The following QTMAN variants were observed in gnomAD, a reference collection of about 807,000 sequenced individuals.
QTMAN encodes queuosine-tRNA mannosyltransferase, also known as tRNA-queuosine alpha-mannosyltransferase.
chr2:144,304,789 G>A, the QTMAN span, among the ~76,000 whole-genome samples: 1 of 152,062 alleles, frequency 6.6e-6, no homozygotes, highest in Admixed American at 6.6e-5. Context: ...AACTTCCAGA[G>A]GTAAATATAA....
At chr2:144,005,576 T>C in the QTMAN span, among the ~76,000 whole-genome samples, 3 of 152,132 alleles carry the variant, frequency 2.0e-5, no homozygotes, top group Non-Finnish European at 4.4e-5. Context: ...GTGTTACTTT[T>C]ATATTTTGGC....
At chr2:144,198,945 C>A in the QTMAN span, among the ~76,000 whole-genome samples, 1 of 152,118 alleles carries the variant, frequency 6.6e-6, no homozygotes, top group Non-Finnish European at 1.5e-5. Flanking sequence ...CCTTTTCCTA[C>A]AGTGCTCTTC....
At chr2:144,109,255 T>C in the QTMAN span, among the ~76,000 whole-genome samples, 4 of 152,100 alleles carry the variant, frequency 2.6e-5, no homozygotes, top group Admixed American at 6.6e-5. Context: ...TCTACAACCA[T>C]CTGATCTTTG....
the QTMAN span, among the ~76,000 whole-genome samples, chr2:144,112,089 T>G: frequency 6.6e-6 from 1 of 152,192 alleles, no homozygotes; most frequent in East Asian, 1.9e-4. Flanking sequence ...TGGTATAATA[T>G]TGCACTAGGT....
At chr2:144,302,348 G>A in the QTMAN span, among the ~76,000 whole-genome samples, 2 of 152,090 alleles carry the variant, frequency 1.3e-5, no homozygotes, top group Non-Finnish European at 2.9e-5. Context: ...TTACACTGGA[G>A]AACAAGTGGG....
At chr2:144,269,009 G>T in the QTMAN span, among the ~76,000 whole-genome samples, 1 of 152,022 alleles carries the variant, frequency 6.6e-6, no homozygotes, top group South Asian at 2.1e-4. Context: ...GGGTGGTCCC[G>T]ATCTCCTGAC....
chr2:144,179,024 T>C, the QTMAN span: 63 of 459,330 alleles, frequency 1.4e-4, no homozygotes, highest in Middle Eastern at 1.5e-3. Flanking sequence ...ATTATTTAAA[T>C]TATTACGGCT....
At chr2:144,020,382 G>A in the QTMAN span, among the ~76,000 whole-genome samples, 2 of 152,310 alleles carry the variant, frequency 1.3e-5, no homozygotes, top group East Asian at 1.9e-4. Context: ...AGGAACACAC[G>A]GGTGGCTGGA....
At chr2:144,026,524 C>T in the QTMAN span, among the ~76,000 whole-genome samples, 1 of 152,028 alleles carries the variant, frequency 6.6e-6, no homozygotes, top group Non-Finnish European at 1.5e-5. Context: ...AAAGACAACC[C>T]ACAAGACTGT....
At chr2:144,328,143 G>T in the QTMAN span, among the ~76,000 whole-genome samples, 2 of 152,050 alleles carry the variant, frequency 1.3e-5, no homozygotes, top group African/African-American at 4.8e-5. Flanking sequence ...TAGAGATGGG[G>T]TTTCACCATG....
the QTMAN span, among the ~76,000 whole-genome samples, chr2:144,268,059 C>T: frequency 6.6e-6 from 1 of 152,066 alleles, no homozygotes; most frequent in Non-Finnish European, 1.5e-5. Flanking sequence ...GCAGGTGGGG[C>T]CTGATGGGAG....
At chr2:144,301,513 G>C in the QTMAN span, among the ~76,000 whole-genome samples, 5 of 152,202 alleles carry the variant, frequency 3.3e-5, no homozygotes, top group South Asian at 1.0e-3. Flanking sequence ...ATGAGCCACC[G>C]CACCAGGCCT....
chr2:144,116,119 A>C, the QTMAN span, among the ~76,000 whole-genome samples: 2 of 152,120 alleles, frequency 1.3e-5, no homozygotes, highest in Non-Finnish European at 2.9e-5. Flanking sequence ...TCTTTACATA[A>C]ATATGTACAC....
the QTMAN span, among the ~76,000 whole-genome samples, chr2:144,281,204 A>C: frequency 6.6e-6 from 1 of 151,782 alleles, no homozygotes; most frequent in Non-Finnish European, 1.5e-5. Context: ...GAATTCTCTT[A>C]CACTTTCAGA....
the QTMAN span, among the ~76,000 whole-genome samples, chr2:144,131,951 T>C: frequency 1.3e-5 from 2 of 151,920 alleles, no homozygotes; most frequent in South Asian, 2.1e-4. Flanking sequence ...ATATCCATTA[T>C]GATTATGCCC....
the QTMAN span, chr2:144,145,886 G>T: frequency 2.7e-6 from 1 of 370,058 alleles, no homozygotes; most frequent in Non-Finnish European, 4.8e-6. Context: ...ATACCATGTA[G>T]CAGCATTCTA....
At chr2:144,268,017 T>C in the QTMAN span, among the ~76,000 whole-genome samples, 2 of 152,076 alleles carry the variant, frequency 1.3e-5, no homozygotes, top group African/African-American at 4.8e-5. Context: ...TGTTGAAATT[T>C]GATTTCCAAT....
the QTMAN span, among the ~76,000 whole-genome samples, chr2:144,090,727 T>G: frequency 6.6e-6 from 1 of 152,052 alleles, no homozygotes; most frequent in Non-Finnish European, 1.5e-5. Context: ...TATAGTATAT[T>G]CATGGATCAG....
chr2:144,283,706 A>T, the QTMAN span, among the ~76,000 whole-genome samples: 1 of 152,228 alleles, frequency 6.6e-6, no homozygotes, highest in African/African-American at 2.4e-5. Context: ...TGACAAACAT[A>T]ATATTAAAAA....
Sources: gnomAD v4.1 joint callset for allele counts (sites outside exome capture counted in the v4.1 genomes callset) on GRCh38, gnomAD v4.1.1 for gene constraint, MANE v1.5 for transcripts, NCBI Gene and HGNC (gene_info 2026-07-23, HGNC 2026-07-21) for gene names.